The following NECTIN1 variants were observed in gnomAD, a reference collection of about 807,000 sequenced individuals.
The protein encoded by NECTIN1 is nectin-1.
NECTIN1 carries 23 observed loss-of-function variants against 48.0 expected under a neutral mutation model. The ratio of observed to expected loss-of-function variants is 0.48; its 90% CI spans 0.34 to 0.68. The LOEUF (loss-of-function observed/expected upper bound fraction) is 0.68. NECTIN1 is among the 30% of genes least tolerant of loss of function. The pLI, the probability that NECTIN1 is intolerant of heterozygous loss-of-function variation, is 0.01. For missense variants in NECTIN1, 591 were observed against 709.9 expected, an observed-to-expected ratio of 0.83 and a Z score of 1.90; for synonymous variants, 270 against 288.9, an observed-to-expected ratio of 0.93 and a Z score of 0.66.
intron 1 of NECTIN1, among the ~76,000 whole-genome samples, chr11:119,724,014 C>T (rs116694383): frequency 3.0e-4 from 46 of 152,290 alleles, no homozygotes; most frequent in African/African-American, 1.1e-3. Context: ...AATAAGGGGG[C>T]TCCTGCTTTC....
At chr11:119,713,508 C>G (rs1490183216) in intron 1 of NECTIN1, 2 of 151,750 alleles carry the variant, frequency 1.3e-5, no homozygotes, top group Non-Finnish European at 2.9e-5. Flanking sequence ...CAACGTGCCC[C>G]GTCTCCCCCC....
At chr11:119,708,937 G>A (rs965215311) in intron 1 of NECTIN1, among the ~76,000 whole-genome samples, 7 of 152,080 alleles carry the variant, frequency 4.6e-5, no homozygotes, top group Non-Finnish European at 8.8e-5. Flanking sequence ...TAAGAGCACC[G>A]GTCTTCTGAA....
chr11:119,642,296 TC>T (rs1436426822), intron 5 of NECTIN1: 5 of 150,604 alleles, frequency 3.3e-5, no homozygotes, highest in African/African-American at 1.2e-4. Context: ...CAAACCTATA[TC>T]CCCTTTTCTT....
chr11:119,681,572 C>T (rs532027759), intron 1 of NECTIN1, among the ~76,000 whole-genome samples: 13 of 152,272 alleles, frequency 8.5e-5, no homozygotes, highest in Non-Finnish European at 1.6e-4. Context: ...GGAGGGGAGA[C>T]GGCTGATAGC....
chr11:119,715,915 ATAT>A (rs1865736607), intron 1 of NECTIN1, among the ~76,000 whole-genome samples: 1 of 152,058 alleles, frequency 6.6e-6, no homozygotes, highest in Non-Finnish European at 1.5e-5. Flanking sequence ...GCTGGACTGG[ATAT>A]TATGTTTGTT....
chr11:119,678,628 C>T lies in NECTIN1; in HGVS notation c.217G>A (p.Gly73Ser), dbSNP rs1394521491. 1 of 1,614,136 alleles carries T rather than the reference C, an allele frequency of 6.2e-7. No homozygotes were observed. The highest frequency in any genetic ancestry group is 8.5e-7 in the Non-Finnish European group (1 of 1,180,028). The change falls in exon 2 of 6, where the codon GGC becomes AGC. Residue 73 changes from glycine to serine, a missense_variant. Physicochemically the swap from Gly to Ser is moderately conservative, Grantham distance 56. Transcript: ENST00000264025. This position sits in a 1 kb window ranked among gnomAD's most constrained non-coding sequence, Gnocchi z 4.4. ...TQVTWQKSTN[G>S]SKQNVAIYNP... ...TAGATGGCCACGTTCTGCTTGGAGC[C>T]ATTGGTGGACTTCTGCCATGTGACC...
chr11:119,659,606 G>A (rs571518228), downstream of NECTIN1, among the ~76,000 whole-genome samples: 7 of 152,312 alleles, frequency 4.6e-5, no homozygotes, highest in African/African-American at 1.4e-4. Flanking sequence ...TGGACTCCCA[G>A]TATCCTTTGG....
At chr11:119,666,005 C>G (rs1183049265) in intron 5 of NECTIN1, among the ~76,000 whole-genome samples, 1 of 152,126 alleles carries the variant, frequency 6.6e-6, no homozygotes, top group African/African-American at 2.4e-5. Context: ...GTGCCAGAAA[C>G]TAGGGCTGTG....
intron 5 of NECTIN1, among the ~76,000 whole-genome samples, chr11:119,669,676 C>A: frequency 6.6e-6 from 1 of 152,148 alleles, no homozygotes; most frequent in South Asian, 2.1e-4. Context: ...TACGCCCCGC[C>A]CCACCTCTGA....
intron 5 of NECTIN1, among the ~76,000 whole-genome samples, chr11:119,647,871 T>C (rs1431175403): frequency 6.6e-6 from 1 of 151,976 alleles, no homozygotes; most frequent in Admixed American, 6.6e-5. Context: ...GAGACCAGCC[T>C]GGCCAACATG....
Position 119,665,018 on chromosome 11 carries a change from G to A in NECTIN1, c.1283C>T (p.Ala428Val). ...ATAGCTGCTTCCACCCAGTGGGCCG[G>A]CCTTCTTCTCGTCGTCTGAGTCGTC... ...YPDDSDDEKK[A>V]GPLGGSSYEE... The change falls in exon 6 of 6, where the codon GCC (alanine) becomes GTC (valine). Residue 428 changes from alanine (A) to valine (V), a missense_variant. Physicochemically the swap from Ala to Val is moderately conservative, Grantham distance 64 (BLOSUM62 0). Coordinates refer to ENST00000264025, the MANE Select transcript of NECTIN1 (RefSeq NM_002855.5). The surrounding 1 kb of genome is among the most constrained non-coding windows in gnomAD (Gnocchi z 5.1). 6.2e-7 allele frequency: 1 copy of A among 1,613,786 alleles called. No homozygotes were observed. The highest frequency in any genetic ancestry group is 8.5e-7 in the Non-Finnish European group (1 of 1,179,908).
intron 1 of NECTIN1, among the ~76,000 whole-genome samples, chr11:119,716,665 C>T (rs972455253): frequency 3.3e-5 from 5 of 152,230 alleles, no homozygotes; most frequent in African/African-American, 7.2e-5. Context: ...GGTTCTCTAA[C>T]TGGCGGCTGG....
In NECTIN1 at chr11:119,665,674, TGAG is replaced by T. The variant is rs1180077557; in HGVS notation, c.1004-380_1004-378del. Among the ~76,000 whole-genome samples, 1 of 152,186 alleles carries T rather than the reference TGAG, an allele frequency of 6.6e-6. No homozygotes were observed. The highest frequency in any genetic ancestry group is 2.4e-5 in the African/African-American group (1 of 41,452). On this transcript the variant is annotated intron_variant, in intron 5 of 5. Coordinates refer to ENST00000264025, the MANE Select transcript of NECTIN1 (RefSeq NM_002855.5). This position sits in a 1 kb window ranked among gnomAD's most constrained non-coding sequence, Gnocchi z 5.1. ...TCCATGCCATTCACAGCCACAACCC[TGAG>T]GAGGTATGCCATTCATTCTCATTGG...
chr11:119,677,158 C>T lies in NECTIN1; in HGVS notation c.795G>A (p.Val265=). 1.9e-6 allele frequency: 3 copies of T among 1,614,160 alleles called. No homozygotes were observed. Among genetic ancestry groups the T allele is most frequent in the South Asian group, 1.1e-5 (1 of 91,078 alleles). ...TAGCATCAGCTTTGCAGGTGAGCTT[C>T]ACGTCCATCCGCTGCAGGTACCAGT... ...DGNWYLQRMD[V]KLTCKADANP... Residue 265 remains valine (V), a synonymous_variant, in exon 4 of 6, where the codon GTG becomes GTA. Coordinates refer to ENST00000264025, the MANE Select transcript of NECTIN1 (RefSeq NM_002855.5). This position sits in a 1 kb window ranked among gnomAD's most constrained non-coding sequence, Gnocchi z 5.4.
At position 119,662,683 on chromosome 11, in the gene NECTIN1, T is replaced by C; in HGVS notation, c.*2064A>G. On this transcript the variant is annotated 3_prime_UTR_variant, in exon 6 of 6. Transcript: ENST00000264025. The surrounding 1 kb of genome is among the most constrained non-coding windows in gnomAD (Gnocchi z 5.3). ...GCAGAGGGGCCAGAGTGTTGTAAGGTGGGATGGGGCAGTGATGTAATGTGG... is the reference window on the plus strand; with the variant it reads ...GCAGAGGGGCCAGAGTGTTGTAAGGCGGGATGGGGCAGTGATGTAATGTGG... 1 of 984,626 alleles carries C rather than the reference T, an allele frequency of 1.0e-6. No individual in the cohort carries two copies. The highest frequency in any genetic ancestry group is 1.2e-6 in the Non-Finnish European group (1 of 829,692). The allele number at this position is 984,626 out of a possible 1,614,324, so 61.0% of individuals were successfully genotyped here. A position where few individuals can be genotyped will look rare whatever the true frequency, so the allele number is the denominator to read the frequency against.
Position 119,728,628 on chromosome 11 carries a change from A to C in NECTIN1, c.-75T>G, listed in dbSNP as rs1201571537. On this transcript the variant is annotated 5_prime_UTR_variant, in exon 1 of 6. Transcript: ENST00000264025. ...GCAGCAGAAACCAGCCCGGAAGATG[A>C]GGGAAGATCGCTGGCGGTCGGCGGG... The C allele has an allele frequency of 2.7e-6, 2 of 736,290 alleles. No individual in the cohort carries two copies. Among genetic ancestry groups the C allele is most frequent in the African/African-American group, 4.2e-5 (2 of 47,890 alleles). The allele number at this position is 736,290 out of a possible 1,614,324, so 45.6% of individuals were successfully genotyped here. A position where few individuals can be genotyped will look rare whatever the true frequency, so the allele number is the denominator to read the frequency against.
chr11:119,690,840 C>T (rs1865240482), intron 1 of NECTIN1, among the ~76,000 whole-genome samples: 3 of 152,130 alleles, frequency 2.0e-5, no homozygotes, highest in Admixed American at 1.3e-4. Context: ...CTCTGAGTGG[C>T]CCTTCCATCA....
intron 1 of NECTIN1, among the ~76,000 whole-genome samples, chr11:119,696,499 C>T (rs1384969574): frequency 3.3e-5 from 5 of 152,122 alleles, no homozygotes; most frequent in African/African-American, 9.7e-5. Flanking sequence ...CCCCAGCTGC[C>T]CCACCCCCAC....
intron 1 of NECTIN1, among the ~76,000 whole-genome samples, chr11:119,711,060 CA>C (rs71470986): frequency 0.48 from 61,757 of 129,222 alleles, 13,496 homozygotes; most frequent in African/African-American, 0.57. Context: ...ATAGGGTTGC[CA>C]AAAAAAAAAA....
Sources: allele counts gnomAD v4.1 joint callset (sites outside exome capture counted in the v4.1 genomes callset), GRCh38; gene constraint gnomAD v4.1.1; non-coding constraint Gnocchi (gnomAD v3.1); transcripts MANE v1.5; gene names NCBI Gene and HGNC (gene_info 2026-07-23, HGNC 2026-07-21).